Variants in LEPR observed in about 807,000 individuals in gnomAD.
The protein encoded by LEPR is leptin receptor, also known as OB receptor.
LEPR carries 56 observed loss-of-function variants against 114.7 expected under a neutral mutation model. The observed-to-expected ratio is 0.49, with a 90% CI of 0.39 to 0.61. The LOEUF (loss-of-function observed/expected upper bound fraction) is 0.61, where lower values mean the gene tolerates loss of function less well. Among genes scored for constraint, LEPR ranks in the 20% least tolerant of loss-of-function variants. The probability of loss-of-function intolerance (pLI) is 0.00; values close to 1 mark genes in which losing one functional copy is unlikely to be tolerated. For synonymous variants in LEPR, 443 were observed against 461.4 expected (o/e 0.96, Z 0.51); for missense variants, 1,202 against 1,352.9 (o/e 0.89, Z 1.75).
intron 2 of LEPR, among the ~76,000 whole-genome samples, chr1:65,511,941 G>A (rs1181988865): frequency 1.3e-5 from 2 of 152,130 alleles, no homozygotes; most frequent in Admixed American, 6.5e-5. Context: ...AGAGAAAAGA[G>A]GTTAAATTGA....
chr1:65,576,828 G>A, intron 5 of LEPR: 1 of 277,204 alleles, frequency 3.6e-6, no homozygotes, highest in Non-Finnish European at 7.3e-6. Flanking sequence ...TGTAGAGCAA[G>A]GCATGATGAA....
intron 2 of LEPR, among the ~76,000 whole-genome samples, chr1:65,538,050 C>T (rs991462063): frequency 6.6e-5 from 10 of 152,110 alleles, no homozygotes; most frequent in African/African-American, 2.4e-4. Flanking sequence ...ATTTCTGTGA[C>T]GCTTTTTCAA....
chr1:65,489,810 T>C (rs951025387), intron 2 of LEPR, among the ~76,000 whole-genome samples: 7 of 152,156 alleles, frequency 4.6e-5, no homozygotes. Flanking sequence ...GCTGCTTTTC[T>C]GTAATTCCAA....
At chr1:65,598,497 C>CT (rs35143000) in intron 7 of LEPR, among the ~76,000 whole-genome samples, 163 bp from the exon 8 acceptor site, 12 of 151,536 alleles carry the variant, frequency 7.9e-5, no homozygotes, top group African/African-American at 2.4e-4. Flanking sequence ...AATGTGCAAA[C>CT]TTTTTTTTTG....
chr1:65,435,779 A>T (rs1557589265), intron 2 of LEPR: 7 of 980,748 alleles, frequency 7.1e-6, no homozygotes. Context: ...CAACTGAGAA[A>T]TATTATGTCT....
At chr1:65,529,995 C>G (rs1303069228) in intron 2 of LEPR, among the ~76,000 whole-genome samples, 1 of 152,090 alleles carries the variant, frequency 6.6e-6, no homozygotes, top group Non-Finnish European at 1.5e-5. Context: ...GTTGATGATT[C>G]CGAAAGTGAT....
chr1:65,488,127 T>G, intron 2 of LEPR, among the ~76,000 whole-genome samples: 1 of 140,396 alleles, frequency 7.1e-6, no homozygotes, highest in African/African-American at 3.0e-5. Flanking sequence ...CTTTCTTTCT[T>G]TCCCTCCCTC....
chr1:65,435,039 C>G, intron 2 of LEPR: 24 of 985,462 alleles, frequency 2.4e-5, no homozygotes, highest in Non-Finnish European at 2.9e-5. Flanking sequence ...CCCACTGATT[C>G]TCATTCACAG....
At chr1:65,635,872 A>G (rs1056204546) in intron 19 of LEPR, among the ~76,000 whole-genome samples, 1 of 152,138 alleles carries the variant, frequency 6.6e-6, no homozygotes, top group Non-Finnish European at 1.5e-5. Flanking sequence ...ACACTAATTT[A>G]TTTCTAGCCA....
At position 65,633,820 on chromosome 1, in the gene LEPR, A is replaced by G. The variant is rs948111100; in HGVS notation, c.2674-2371A>G. 2 of 985,672 alleles carry G rather than the reference A, an allele frequency of 2.0e-6. No homozygotes were observed. The highest frequency in any genetic ancestry group is 2.4e-6 in the Non-Finnish European group (2 of 830,172). 61.1% of individuals were successfully genotyped at this position (985,672 alleles called of 1,614,324 possible). Reference sequence around the variant, plus strand: ...TTAAGTGATAACTTCCGTTTCAGTTAAAAGGAAGCCCGAAGTTGTGTTTGT... The same window carrying G: ...TTAAGTGATAACTTCCGTTTCAGTTGAAAGGAAGCCCGAAGTTGTGTTTGT... On this transcript the variant is annotated intron_variant, in intron 19 of 19. Transcript: ENST00000349533. This position sits in a 1 kb window ranked among gnomAD's most constrained non-coding sequence, Gnocchi z 4.1.
At position 65,636,753 on chromosome 1, in the gene LEPR, A is replaced by G. The variant is rs1658732817; in HGVS notation, c.3236A>G (p.Tyr1079Cys). The G allele has an allele frequency of 6.2e-7, 1 of 1,613,962 alleles. No individual in the cohort carries two copies. The highest frequency in any genetic ancestry group is 1.3e-5 in the African/African-American group (1 of 75,066). ...EENNDKKSIY[Y>C]LGVTSIKKRE... is the part of the protein sequence containing the mutation. ...AATAATGATAAAAAGTCTATCTATT[A>G]TTTAGGGGTCACCTCAATCAAAAAG... The change falls in exon 20 of 20, where the codon TAT becomes TGT. Residue 1079 changes from tyrosine (Y) to cysteine (C), a missense_variant. By Grantham distance (194) the Tyr-to-Cys change is radical. Coordinates refer to ENST00000349533, the MANE Select transcript of LEPR (RefSeq NM_002303.6).
intron 2 of LEPR, among the ~76,000 whole-genome samples, chr1:65,437,671 G>A (rs752948902): frequency 2.0e-5 from 3 of 151,966 alleles, no homozygotes; most frequent in Non-Finnish European, 2.9e-5. Flanking sequence ...TTCAGTGTAA[G>A]TAGAAAAAAA....
intron 2 of LEPR, among the ~76,000 whole-genome samples, chr1:65,477,846 A>T (rs1409476078): frequency 6.6e-6 from 1 of 152,216 alleles, no homozygotes; most frequent in African/African-American, 2.4e-5. Context: ...TTGAACTTTT[A>T]AAGAGCAGAG....
At chr1:65,626,956 A>C (rs1658256109) in intron 19 of LEPR, among the ~76,000 whole-genome samples, 1 of 152,216 alleles carries the variant, frequency 6.6e-6, no homozygotes, top group Non-Finnish European at 1.5e-5. Context: ...TTTTTAAAGG[A>C]AAAATAATAT....
Position 65,579,386 on chromosome 1 carries a change from A to G in LEPR, c.494+6937A>G, listed in dbSNP as rs114295573. 4.4e-3 allele frequency among the ~76,000 whole-genome samples: 668 copies of G among 152,304 alleles called. 9 individuals carry two copies. Among genetic ancestry groups the G allele is most frequent in the African/African-American group, 0.016 (645 of 41,568 alleles). ...AAAAGTTGATAATCGAAGGGGAGCC[A>G]TTGAAGATATTTTATTGAGAGTGAA... On this transcript the variant is annotated intron_variant, in intron 5 of 19. Coordinates refer to ENST00000349533, the MANE Select transcript of LEPR (RefSeq NM_002303.6).
Position 65,565,843 on chromosome 1 carries a change from T to TCACACA in LEPR, c.40+239_40+240insACACAC, listed in dbSNP as rs67805092. On this transcript the variant is annotated intron_variant, in intron 3 of 19. Transcript: ENST00000349533. ...GTATCCTTCCAGAATCCTCTCTCTCTCTCACACACACACACACACAGACTC... is the reference window on the plus strand; with the variant it reads ...GTATCCTTCCAGAATCCTCTCTCTCTCACACACTCACACACACACACACACAGACTC... 0.017 allele frequency among the ~76,000 whole-genome samples: 2,611 copies of TCACACA among 150,494 alleles called. 37 individuals are homozygous for TCACACA. The highest frequency in any genetic ancestry group is 0.028 in the Admixed American group (415 of 15,080).
At chr1:65,520,302 G>A (rs540185298) in intron 2 of LEPR, among the ~76,000 whole-genome samples, 4 of 152,218 alleles carry the variant, frequency 2.6e-5, no homozygotes, top group East Asian at 3.9e-4. Context: ...GGACTTAACC[G>A]GTTTGCCCAG....
intron 2 of LEPR, among the ~76,000 whole-genome samples, chr1:65,523,737 C>T (rs1408066527): frequency 6.6e-6 from 1 of 152,188 alleles, no homozygotes; most frequent in Non-Finnish European, 1.5e-5. Flanking sequence ...TATTAGTTTA[C>T]TAGTTATAGT....
intron 18 of LEPR, 127 bp from the exon 19 acceptor site, chr1:65,622,779 T>C (rs1412202266): frequency 1.1e-6 from 1 of 887,148 alleles, no homozygotes; most frequent in Non-Finnish European, 1.8e-6. Flanking sequence ...CATGTGAAAA[T>C]GCATCTGACC....
Sources: gnomAD v4.1 joint callset for allele counts (sites outside exome capture counted in the v4.1 genomes callset) on GRCh38, gnomAD v4.1.1 for gene constraint, Gnocchi (gnomAD v3.1) non-coding constraint, MANE v1.5 for transcripts, NCBI Gene and HGNC (gene_info 2026-07-23, HGNC 2026-07-21) for gene names.